TMEM45A: variants seen among roughly 807,000 people sequenced by gnomAD.
The protein encoded by TMEM45A is transmembrane protein 45A, also known as DNA polymerase-transactivated protein 4.
TMEM45A carries 25 observed loss-of-function variants against 32.0 expected under a neutral mutation model. The observed-to-expected ratio is 0.78, with a 90% CI of 0.57 to 1.09. TMEM45A has a LOEUF of 1.09. Ranked by LOEUF, TMEM45A falls within the 50% of genes least tolerant of loss-of-function variation. The pLI is 0.00. For synonymous variants in TMEM45A, 122 were observed against 114.8 expected, an observed-to-expected ratio of 1.06 and a Z score of -0.40; for missense variants, 302 against 325.0, an observed-to-expected ratio of 0.93 and a Z score of 0.54.
chr3:100,531,340 T>C (rs1376178537), intron 1 of TMEM45A, among the ~76,000 whole-genome samples: 3 of 152,176 alleles, frequency 2.0e-5, no homozygotes, highest in African/African-American at 4.8e-5. Context: ...CTTTCTATTA[T>C]AATAATATAA....
intron 1 of TMEM45A, among the ~76,000 whole-genome samples, chr3:100,507,339 G>T (rs1399575212): frequency 2.0e-5 from 3 of 152,108 alleles, no homozygotes; most frequent in Admixed American, 6.6e-5. Context: ...CAAATCTTTT[G>T]GCTGCTGGAA....
At chr3:100,569,308 T>C (rs905638897) in intron 5 of TMEM45A, among the ~76,000 whole-genome samples, 15 of 152,200 alleles carry the variant, frequency 9.9e-5, no homozygotes, top group African/African-American at 3.6e-4. Flanking sequence ...GAGTCCTCCA[T>C]TTACCCATGT....
intron 1 of TMEM45A, among the ~76,000 whole-genome samples, chr3:100,501,302 C>T (rs531348041): frequency 6.8e-4 from 103 of 152,274 alleles, no homozygotes; most frequent in African/African-American, 2.4e-3. Context: ...AAAAAATACA[C>T]CCATGCTTGT....
chr3:100,500,170 C>T (rs1333824645), intron 1 of TMEM45A, among the ~76,000 whole-genome samples: 2 of 152,094 alleles, frequency 1.3e-5, no homozygotes, highest in Non-Finnish European at 2.9e-5. Context: ...TCCAAGAGTC[C>T]ATTCACAGGT....
chr3:100,494,386 G>C (rs1382097345), intron 1 of TMEM45A, among the ~76,000 whole-genome samples: 3 of 152,192 alleles, frequency 2.0e-5, no homozygotes, highest in Non-Finnish European at 4.4e-5. Flanking sequence ...CACTTTGGGA[G>C]GCCAAGGCAG....
At chr3:100,572,375 T>C (rs1336667279) in intron 5 of TMEM45A, 1 of 152,276 alleles carries the variant, frequency 6.6e-6, no homozygotes, top group East Asian at 1.9e-4. Flanking sequence ...TTTTCATGTG[T>C]TTTTTGGCTA....
intron 1 of TMEM45A, among the ~76,000 whole-genome samples, chr3:100,539,477 A>ATGTATATGTATC (rs1705814867): frequency 1.4e-5 from 2 of 143,630 alleles, no homozygotes; most frequent in East Asian, 4.0e-4. Flanking sequence ...GTATATGTAT[A>ATGTATATGTATC]TGTATATGTA....
intron 1 of TMEM45A, among the ~76,000 whole-genome samples, chr3:100,511,310 G>A (rs1223155087): frequency 6.6e-6 from 1 of 152,140 alleles, no homozygotes; most frequent in African/African-American, 2.4e-5. Flanking sequence ...GAGAGTGGGG[G>A]CCAATATTCA....
At chr3:100,508,810 A>G (rs75067510) in intron 1 of TMEM45A, among the ~76,000 whole-genome samples, 1 of 148,536 alleles carries the variant, frequency 6.7e-6, no homozygotes, top group Non-Finnish European at 1.5e-5. Context: ...TCACTATATA[A>G]AAAAAAAAAA....
chr3:100,538,606 G>C (rs1275557108), intron 1 of TMEM45A, among the ~76,000 whole-genome samples: 2 of 152,096 alleles, frequency 1.3e-5, no homozygotes, highest in East Asian at 3.8e-4. Context: ...AGACTGGGAA[G>C]GAAGAAAGAA....
rs550465166 is a variant in TMEM45A at position 100,518,317 on chromosome 3, A to G, written c.-4+25389A>G. 1.3e-3 allele frequency among the ~76,000 whole-genome samples: 193 copies of G among 152,308 alleles called. 1 individual carries two copies. Among genetic ancestry groups the G allele is most frequent in the Non-Finnish European group, 2.1e-3 (146 of 68,018 alleles). The stretch of plus-strand genomic sequence containing the variant: ...GTTTCTGTATCCACATGTGCACTGT[A>G]TGAAACTGCTGTCCATACTCTTGTC... On this transcript the variant is annotated intron_variant, in intron 1 of 5. Transcript: ENST00000323523.
At chr3:100,565,039 T>C (rs1706402647) in intron 4 of TMEM45A, among the ~76,000 whole-genome samples, 1 of 152,152 alleles carries the variant, frequency 6.6e-6, no homozygotes, top group Non-Finnish European at 1.5e-5. Context: ...AGAGTATGGG[T>C]GGGAGAAAGA....
chr3:100,502,884 A>C (rs1708024480), intron 1 of TMEM45A, among the ~76,000 whole-genome samples: 1 of 152,218 alleles, frequency 6.6e-6, no homozygotes. Flanking sequence ...TTGGGGATAA[A>C]GACCAGAGGA....
chr3:100,558,303 T>C (rs1706262822), intron 3 of TMEM45A, 102 bp from the exon 4 acceptor site: 31 of 1,409,392 alleles, frequency 2.2e-5, no homozygotes, highest in Middle Eastern at 2.5e-4. Flanking sequence ...TTTGGACAAA[T>C]GTGTGTATGT....
At chr3:100,566,797 C>T (rs1005131335) in intron 4 of TMEM45A, among the ~76,000 whole-genome samples, 13 of 151,926 alleles carry the variant, frequency 8.6e-5, no homozygotes, top group Non-Finnish European at 1.6e-4. Flanking sequence ...TGTATATTTG[C>T]TTTGGGGAAA....
In TMEM45A at chr3:100,577,412, A is replaced by G. The variant is rs1213736618; in HGVS notation, c.*394A>G. Reference sequence around the variant, plus strand: ...ACTTGTTTATCTTGTTGCTGCAATGAGAAATAAATGAATGTATGTATTTTG... The same window carrying G: ...ACTTGTTTATCTTGTTGCTGCAATGGGAAATAAATGAATGTATGTATTTTG... On this transcript the variant is annotated 3_prime_UTR_variant, in exon 6 of 6. Coordinates refer to ENST00000323523, the MANE Select transcript of TMEM45A (RefSeq NM_018004.3). The G allele has an allele frequency of 1.2e-5, 2 of 160,374 alleles. No individual in the cohort carries two copies. Among genetic ancestry groups the G allele is most frequent in the Non-Finnish European group, 1.3e-5 (1 of 74,130 alleles). The allele number at this position is 160,374 out of a possible 1,614,324, so 9.9% of individuals were successfully genotyped here. A position where few individuals can be genotyped will look rare whatever the true frequency, so the allele number is the denominator to read the frequency against.
rs759098961 is a variant in TMEM45A at position 100,556,840 on chromosome 3, C to G, written c.271C>G (p.Leu91Val). Residue 91 changes from leucine (L) to valine (V), a missense_variant, in exon 3 of 6, where the codon CTG becomes GTG. Transcript: ENST00000323523. ...DYKQGHWNQL[L>V]GWHHFTMYFF... Reference sequence around the variant, plus strand: ...TAAACAAGGTCACTGGAATCAACTCCTGGGCTGGCATCATTTCACCATGTA... The same window carrying G: ...TAAACAAGGTCACTGGAATCAACTCGTGGGCTGGCATCATTTCACCATGTA... The G allele has an allele frequency of 6.2e-7, 1 of 1,614,152 alleles. No individual in the cohort carries two copies.
chr3:100,517,579 C>T (rs1242605789), intron 1 of TMEM45A, among the ~76,000 whole-genome samples: 2 of 152,080 alleles, frequency 1.3e-5, no homozygotes, highest in Non-Finnish European at 2.9e-5. Flanking sequence ...TCTCACTGTC[C>T]CCATGCCAAA....
intron 1 of TMEM45A, among the ~76,000 whole-genome samples, chr3:100,528,337 C>T (rs1705586650): frequency 6.6e-6 from 1 of 152,216 alleles, no homozygotes; most frequent in Non-Finnish European, 1.5e-5. Flanking sequence ...TGCAACCCAA[C>T]CTGGGCAGTG....
Sources: gnomAD v4.1 joint callset for allele counts (sites outside exome capture counted in the v4.1 genomes callset) on GRCh38, gnomAD v4.1.1 for gene constraint, MANE v1.5 for transcripts, NCBI Gene and HGNC (gene_info 2026-07-23, HGNC 2026-07-21) for gene names.